Variants in TBCE observed in about 807,000 individuals in gnomAD.
TBCE encodes the protein tubulin folding cofactor E.
A neutral mutation model predicts 77.0 loss-of-function variants in TBCE; 53 were observed. The ratio of observed to expected loss-of-function variants is 0.69; its 90% confidence interval spans 0.55 to 0.87. TBCE has a LOEUF of 0.87. Among genes scored for constraint, TBCE ranks in the 40% least tolerant of loss-of-function variants. The probability of loss-of-function intolerance (pLI) is 0.00; values close to 1 mark genes in which losing one functional copy is unlikely to be tolerated. For missense variants in TBCE, 624 were observed against 622.4 expected (o/e 1.00, Z -0.03); for synonymous variants, 235 against 241.3 (o/e 0.97, Z 0.24).
At chr1:235,411,215 A>G (rs1170824854) in intron 3 of TBCE, among the ~76,000 whole-genome samples, 1 of 152,234 alleles carries the variant, frequency 6.6e-6, no homozygotes, top group African/African-American at 2.4e-5. Context: ...AAGTGGGATC[A>G]TTCTCTTGTC....
intron 5 of TBCE, among the ~76,000 whole-genome samples, chr1:235,426,276 CCT>C (rs1680709944): frequency 6.6e-6 from 1 of 152,156 alleles, no homozygotes; most frequent in South Asian, 2.1e-4. Flanking sequence ...ACTGTGTTAT[CCT>C]CTCTGAATCC....
chr1:235,445,742 T>A (rs1682217308), intron 15 of TBCE, among the ~76,000 whole-genome samples: 1 of 152,198 alleles, frequency 6.6e-6, no homozygotes, highest in Non-Finnish European at 1.5e-5. Flanking sequence ...TACCCTTTTT[T>A]AAAGTCATGT....
At chr1:235,433,183 G>T in intron 7 of TBCE, 1 of 1,318,120 alleles carries the variant, frequency 7.6e-7, no homozygotes, top group South Asian at 2.1e-5. Context: ...TGAGTCAGAT[G>T]ATTCCATTCT....
rs1558373788 is a variant in TBCE, at chr1:235,415,655, T to C, written c.371+1037T>C. 3.3e-5 allele frequency: 5 copies of C among 152,130 alleles called. No individual in the cohort carries two copies. The South Asian group carries it at 1.0e-3, about 31-fold the overall frequency. 9.4% of individuals were successfully genotyped at this position (152,130 alleles called of 1,614,324 possible). A position where few individuals can be genotyped will look rare whatever the true frequency, so the allele number is the denominator to read the frequency against. On this transcript the variant is annotated intron_variant, in intron 4 of 16. Transcript: ENST00000642610. ...TTGTTATTGTTGTTATTAATAAAAGTGCACATGGGGACAATGTGGAAAATA... is the reference window on the plus strand; with the variant it reads ...TTGTTATTGTTGTTATTAATAAAAGCGCACATGGGGACAATGTGGAAAATA...
chr1:235,376,556 A>G (rs1266179520), intron 1 of TBCE, among the ~76,000 whole-genome samples: 2 of 152,136 alleles, frequency 1.3e-5, no homozygotes, highest in Non-Finnish European at 2.9e-5. Flanking sequence ...CCCTCTTCTT[A>G]GGGACTAGAG....
intron 7 of TBCE, among the ~76,000 whole-genome samples, chr1:235,431,112 G>C (rs1681057622): frequency 6.6e-6 from 1 of 152,166 alleles, no homozygotes; most frequent in South Asian, 2.1e-4. Context: ...AAAAGCCGTA[G>C]TGTTGGCTAT....
intron 3 of TBCE, among the ~76,000 whole-genome samples, chr1:235,408,380 A>G (rs1164809276): frequency 1.3e-5 from 2 of 151,910 alleles, no homozygotes; most frequent in Non-Finnish European, 2.9e-5. Context: ...TTGGCTGAGC[A>G]TTAATGGATT....
At position 235,387,467 on chromosome 1, in the gene TBCE, C is replaced by G. The variant is rs548999466; in HGVS notation, c.100+7318C>G. ...TGGGCTCCACCCAGTTCGAGCTTCC[C>G]GGCTGCTTTGTTTACCTAAGCAAGC... On this transcript the variant is annotated intron_variant, in intron 2 of 16. Transcript: ENST00000642610. Among the ~76,000 whole-genome samples the G allele has an allele frequency of 2.0e-5, 3 of 152,218 alleles. No individual in the cohort carries two copies. The East Asian group carries it at 5.8e-4, about 29-fold the overall frequency.
intron 6 of TBCE, among the ~76,000 whole-genome samples, chr1:235,428,281 G>A (rs1183617400): frequency 6.6e-6 from 1 of 152,154 alleles, no homozygotes; most frequent in Non-Finnish European, 1.5e-5. Flanking sequence ...CCGAGATTGT[G>A]CCACTGCACT....
intron 14 of TBCE, 108 bp from the exon 15 acceptor site, chr1:235,442,744 A>G: frequency 9.6e-7 from 1 of 1,046,484 alleles, no homozygotes; most frequent in East Asian, 2.6e-5. Context: ...AGACCTGCCA[A>G]TTTGCACTGA....
chr1:235,425,314 T>A (rs888855354), intron 5 of TBCE, among the ~76,000 whole-genome samples: 1 of 151,946 alleles, frequency 6.6e-6, no homozygotes, highest in Non-Finnish European at 1.5e-5. Context: ...CACACCTAAA[T>A]CCATTGGCAA....
intron 3 of TBCE, among the ~76,000 whole-genome samples, chr1:235,412,455 C>T (rs1309073817): frequency 1.3e-5 from 2 of 150,632 alleles, no homozygotes; most frequent in African/African-American, 4.9e-5. Flanking sequence ...GTCTCAAACT[C>T]CTGACTTTAG....
At chr1:235,397,326 C>G (rs1011866789) in intron 2 of TBCE, among the ~76,000 whole-genome samples, 1 of 151,884 alleles carries the variant, frequency 6.6e-6, no homozygotes. Context: ...TTCAGCCTCC[C>G]GAGCAGCTGG....
chr1:235,437,292 T>G (rs768502407), intron 11 of TBCE, 30 bp from the exon 12 acceptor site: 1 of 1,613,948 alleles, frequency 6.2e-7, no homozygotes, highest in Non-Finnish European at 8.5e-7. Flanking sequence ...ACGTACCGCT[T>G]TTCATTTATT....
intron 1 of TBCE, among the ~76,000 whole-genome samples, chr1:235,369,650 C>T (rs1340368466): frequency 4.5e-5 from 5 of 111,922 alleles, no homozygotes; most frequent in East Asian, 2.7e-4. Flanking sequence ...GGCGAAACCC[C>T]GTCTCTACTA....
At chr1:235,369,436 G>A (rs113749643) in intron 1 of TBCE, among the ~76,000 whole-genome samples, 48 of 152,188 alleles carry the variant, frequency 3.2e-4, no homozygotes, top group African/African-American at 8.4e-4. Flanking sequence ...GAACCCGGGA[G>A]ACAGAGGATG....
intron 1 of TBCE, among the ~76,000 whole-genome samples, chr1:235,375,186 C>A (rs1353548104): frequency 2.0e-5 from 3 of 152,120 alleles, no homozygotes; most frequent in Admixed American, 2.0e-4. Context: ...TCCCAAAGTG[C>A]TGGGATTACA....
In TBCE at chr1:235,374,098, G is replaced by A. The variant is rs571357639; in HGVS notation, c.-31-5921G>A. Among the ~76,000 whole-genome samples, 39 of 144,834 alleles carry A rather than the reference G, an allele frequency of 2.7e-4. 3 individuals are homozygous for A. The highest frequency in any genetic ancestry group is 4.4e-4 in the Non-Finnish European group (29 of 66,220). ...AAGCCTCCAGAGTAGCTGGGATTAC[G>A]GGTGCTTGCCACCATGCCTGGCTAA... On this transcript the variant is annotated intron_variant, in intron 1 of 16. Coordinates refer to ENST00000642610, the MANE Select transcript of TBCE (RefSeq NM_003193.5).
intron 2 of TBCE, among the ~76,000 whole-genome samples, chr1:235,396,573 C>T (rs1361119411): frequency 6.6e-6 from 1 of 152,156 alleles, no homozygotes; most frequent in Admixed American, 6.6e-5. Flanking sequence ...CCAAACTGTT[C>T]TCCATAGTGG....
Sources: allele counts gnomAD v4.1 joint callset (sites outside exome capture counted in the v4.1 genomes callset), GRCh38; gene constraint gnomAD v4.1.1; transcripts MANE v1.5; gene names NCBI Gene and HGNC (gene_info 2026-07-23, HGNC 2026-07-21).